The following CDH4 variants were observed in gnomAD, a reference collection of about 807,000 sequenced individuals.
CDH4 encodes cadherin 4, also known as cadherin-4.
CDH4 carries 33 observed loss-of-function variants against 86.0 expected under a neutral mutation model. That is an observed-to-expected ratio of 0.38 (90% CI 0.29 to 0.51). CDH4 has a LOEUF of 0.51. CDH4 is among the 20% of genes least tolerant of loss of function. CDH4 has a pLI of 0.86. For synonymous variants in CDH4, 555 were observed against 549.4 expected (o/e 1.01, Z -0.14); for missense variants, 1,114 against 1,307.4 (o/e 0.85, Z 2.28).
At chr20:61,897,442 C>T (rs1267705838) in intron 8 of CDH4, among the ~76,000 whole-genome samples, 1 of 152,034 alleles carries the variant, frequency 6.6e-6, no homozygotes, top group African/African-American at 2.4e-5. Flanking sequence ...GCCACCAGCG[C>T]TGACCAGCCA....
intron 2 of CDH4, among the ~76,000 whole-genome samples, chr20:61,347,779 G>T (rs1222304246): frequency 6.6e-6 from 1 of 152,210 alleles, no homozygotes; most frequent in Non-Finnish European, 1.5e-5. Flanking sequence ...TGCTTTCCTG[G>T]TTCGGCACGG....
intron 2 of CDH4, among the ~76,000 whole-genome samples, chr20:61,330,154 G>T (rs1600871413): frequency 6.6e-6 from 1 of 152,148 alleles, no homozygotes; most frequent in East Asian, 1.9e-4. Context: ...ACATACGCGT[G>T]CATGTATCTT....
At chr20:61,712,852 G>C (rs1047149616) in intron 2 of CDH4, among the ~76,000 whole-genome samples, 1 of 152,208 alleles carries the variant, frequency 6.6e-6, no homozygotes, top group East Asian at 1.9e-4. Flanking sequence ...GGCAGCCCAG[G>C]AGAGTGAAAG....
intron 2 of CDH4, among the ~76,000 whole-genome samples, chr20:61,573,946 T>G (rs2086363793): frequency 6.6e-6 from 1 of 152,156 alleles, no homozygotes; most frequent in Non-Finnish European, 1.5e-5. Flanking sequence ...GGAGAAACAG[T>G]AGGCTCTGGC....
At position 61,321,022 on chromosome 20, in the gene CDH4, A is replaced by T. The variant is rs1355371585; in HGVS notation, c.169+66085A>T. On this transcript the variant is annotated intron_variant, in intron 2 of 15. Coordinates refer to ENST00000614565, the MANE Select transcript of CDH4 (RefSeq NM_001794.5). ...CTGTCCAGCTGCTCTAGCCTTTTAA[A>T]CCCCCGGGTCCTTCCCCAGGGTCCC... 2.0e-5 allele frequency among the ~76,000 whole-genome samples: 3 copies of T among 150,152 alleles called. 1 individual carries two copies. The highest frequency in any genetic ancestry group is 2.0e-4 in the Admixed American group (3 of 15,066).
At chr20:61,598,794 T>C (rs1475719068) in intron 2 of CDH4, among the ~76,000 whole-genome samples, 1 of 152,178 alleles carries the variant, frequency 6.6e-6, no homozygotes, top group African/African-American at 2.4e-5. Flanking sequence ...GCACCCCACA[T>C]GGCGGGGTCC....
At chr20:61,898,007 C>G (rs931886064) in intron 8 of CDH4, among the ~76,000 whole-genome samples, 6 of 152,192 alleles carry the variant, frequency 3.9e-5, no homozygotes, top group Non-Finnish European at 7.3e-5. Context: ...AGGGTTCCCT[C>G]CACCCTGCGG....
intron 2 of CDH4, among the ~76,000 whole-genome samples, chr20:61,319,586 C>G (rs2084496785): frequency 6.6e-6 from 1 of 151,968 alleles, no homozygotes; most frequent in Non-Finnish European, 1.5e-5. Context: ...AGGTGGTTGC[C>G]TGGGGCTGGG....
intron 2 of CDH4, among the ~76,000 whole-genome samples, chr20:61,383,132 T>TTA (rs1387439704): frequency 4.9e-5 from 4 of 81,068 alleles, no homozygotes; most frequent in South Asian, 2.7e-4. Context: ...TATGAATATA[T>TTA]TATATATATG....
At chr20:61,732,823 G>GC (rs943628294) in intron 2 of CDH4, among the ~76,000 whole-genome samples, 4 of 152,214 alleles carry the variant, frequency 2.6e-5, no homozygotes, top group East Asian at 1.9e-4. Context: ...TTGGAGATGA[G>GC]CCCCCCACCC....
chr20:61,453,408 G>T (rs1184399815), intron 2 of CDH4, among the ~76,000 whole-genome samples: 1 of 152,168 alleles, frequency 6.6e-6, no homozygotes, highest in East Asian at 1.9e-4. Flanking sequence ...ATCCCAGCCG[G>T]CTGTGAGGTC....
intron 2 of CDH4, among the ~76,000 whole-genome samples, chr20:61,273,518 A>G (rs1326565038): frequency 2.6e-5 from 2 of 76,656 alleles, no homozygotes; most frequent in African/African-American, 1.1e-4. Context: ...GGGGAGGACC[A>G]TGTGCAGTTT....
chr20:61,743,979 G>A (rs954010439), intron 3 of CDH4, among the ~76,000 whole-genome samples, 190 bp downstream of exon 3: 4 of 152,212 alleles, frequency 2.6e-5, no homozygotes, highest in East Asian at 1.9e-4. Context: ...CCGTCATTGC[G>A]GGAAGGCCCC....
chr20:61,822,328 G>A (rs768710290), intron 4 of CDH4, among the ~76,000 whole-genome samples: 9 of 152,176 alleles, frequency 5.9e-5, no homozygotes, highest in Non-Finnish European at 1.0e-4. Flanking sequence ...CCTCTGATGA[G>A]AGCAATAATG....
chr20:61,748,821 C>G (rs538466071), intron 3 of CDH4, among the ~76,000 whole-genome samples: 51 of 133,234 alleles, frequency 3.8e-4, no homozygotes, highest in Non-Finnish European at 7.2e-4. Flanking sequence ...TCATAAAAGT[C>G]TGTAAGTAGT....
intron 2 of CDH4, among the ~76,000 whole-genome samples, chr20:61,526,346 A>G (rs1188202929): frequency 6.6e-6 from 1 of 151,980 alleles, no homozygotes. Flanking sequence ...CGAGTCCCCC[A>G]CCCAGCCTTC....
intron 2 of CDH4, among the ~76,000 whole-genome samples, chr20:61,724,848 T>G: frequency 6.6e-6 from 1 of 152,232 alleles, no homozygotes; most frequent in East Asian, 1.9e-4. Flanking sequence ...TAGTGGCTCA[T>G]GCATGCAATC....
chr20:61,846,157 T>C lies in CDH4; in HGVS notation c.732+1334T>C, dbSNP rs528057276. On this transcript the variant is annotated intron_variant, in intron 5 of 15. Coordinates refer to ENST00000614565, the MANE Select transcript of CDH4 (RefSeq NM_001794.5). The stretch of plus-strand genomic sequence containing the variant: ...GATCCTGGGGAGCCCACTTGGGAGG[T>C]GGCTGCCCTAACCCCGGTCTGCACC... Among the ~76,000 whole-genome samples, 4 of 152,224 alleles carry C rather than the reference T, an allele frequency of 2.6e-5. No individual in the cohort carries two copies. The East Asian group carries it at 7.7e-4, about 29-fold the overall frequency.
chr20:61,892,068 A>G (rs1984848322), intron 7 of CDH4, among the ~76,000 whole-genome samples: 2 of 152,264 alleles, frequency 1.3e-5, no homozygotes, highest in South Asian at 4.1e-4. Context: ...AAGCAGCCAT[A>G]GATAATGTGT....
Sources: allele counts gnomAD v4.1 joint callset (sites outside exome capture counted in the v4.1 genomes callset), GRCh38; gene constraint gnomAD v4.1.1; transcripts MANE v1.5; gene names NCBI Gene and HGNC (gene_info 2026-07-23, HGNC 2026-07-21).